The following ZNF253 variants were observed in gnomAD, a reference collection of about 807,000 sequenced individuals.
ZNF253 encodes DNA-binding protein.
In ZNF253, 8 loss-of-function variants were observed where a neutral mutation model predicts 11.9. The observed-to-expected ratio is 0.67, with a 90% CI of 0.40 to 1.22. The LOEUF is 1.22. Among genes scored for constraint, ZNF253 ranks in the 50% most tolerant of loss-of-function variants. The pLI, the probability that ZNF253 is intolerant of heterozygous loss-of-function variation, is 0.01. For synonymous variants in ZNF253, 194 were observed against 194.9 expected (o/e 1.00, Z 0.04); for missense variants, 485 against 586.9 (o/e 0.83, Z 1.79).
At chr19:19,888,024 T>C (rs2063213419) in intron 3 of ZNF253, among the ~76,000 whole-genome samples, 1 of 152,106 alleles carries the variant, frequency 6.6e-6, no homozygotes, top group Non-Finnish European at 1.5e-5. Flanking sequence ...TATATTTAAA[T>C]AGTTTTCCGA....
At chr19:19,885,504 C>T (rs753812503) in intron 3 of ZNF253, among the ~76,000 whole-genome samples, 2 of 151,772 alleles carry the variant, frequency 1.3e-5, no homozygotes, top group Non-Finnish European at 2.9e-5. Context: ...CATTCTCCTG[C>T]CTCAGCCTCC....
At position 19,892,067 on chromosome 19, in the gene ZNF253, C is replaced by T; in HGVS notation, c.820C>T (p.His274Tyr). 6.2e-7 allele frequency: 1 copy of T among 1,613,858 alleles called. No homozygotes were observed. Among genetic ancestry groups the T allele is most frequent in the Non-Finnish European group, 8.5e-7 (1 of 1,179,958 alleles). ...CAACCGATCCACAGACCTTACTACA[C>T]ATAAGATAGTTCATACTGGAGAGAA... ...AFNRSTDLTT[H>Y]KIVHTGEKPY... The change falls in exon 4 of 4, where the codon CAT (histidine) becomes TAT (tyrosine). Residue 274 changes from histidine (H) to tyrosine (Y), a missense_variant. Physicochemically the swap from His to Tyr is moderately conservative, Grantham distance 83. Around this residue, in one of 3 missense-constraint regions of ZNF253, gnomAD observed 232 missense variants for 321.4 expected, o/e 0.72. Coordinates refer to ENST00000589717, the MANE Select transcript of ZNF253 (RefSeq NM_021047.3).
At position 19,880,109 on chromosome 19, in the gene ZNF253, A is replaced by C. The variant is rs1460066757; in HGVS notation, c.189A>C (p.Leu63Phe). 10 of 1,609,556 alleles carry C rather than the reference A, an allele frequency of 6.2e-6. No individual in the cohort carries two copies. The South Asian group carries it at 8.8e-5, about 14-fold the overall frequency. Residue 63 changes from leucine to phenylalanine, a missense_variant, in exon 3 of 4, where the codon TTA becomes TTC. This residue lies in a region of ZNF253 where 218 missense variants were observed against 213.1 expected (regional missense o/e 1.02). Coordinates refer to ENST00000589717, the MANE Select transcript of ZNF253 (RefSeq NM_021047.3). ...VTCLEQGKKP[L>F]TMERHEMIAK... is the part of the protein sequence containing the mutation. ...GTCTGGAGCAAGGAAAAAAACCTTT[A>C]ACTATGGAAAGACATGAGATGATTG... is the stretch of plus-strand genomic sequence containing the variant.
chr19:19,892,971 C>T lies in ZNF253; in HGVS notation c.*224C>T, dbSNP rs1168876202. On this transcript the variant is annotated 3_prime_UTR_variant, in exon 4 of 4. Coordinates refer to ENST00000589717, the MANE Select transcript of ZNF253 (RefSeq NM_021047.3). ...TGTGGCAAAACCTATAAACCTATAACAAGTTCTCAATTCCTTTTTTTTTGA... is the reference window on the plus strand; with the variant it reads ...TGTGGCAAAACCTATAAACCTATAATAAGTTCTCAATTCCTTTTTTTTTGA... 7 of 492,916 alleles carry T rather than the reference C, an allele frequency of 1.4e-5. No individual in the cohort carries two copies. Among genetic ancestry groups the T allele is most frequent in the Non-Finnish European group, 2.4e-5 (7 of 287,178 alleles). 30.5% of individuals were successfully genotyped at this position (492,916 alleles called of 1,614,324 possible).
intron 3 of ZNF253, among the ~76,000 whole-genome samples, chr19:19,884,711 C>CAAG (rs2063191460): frequency 6.6e-6 from 1 of 152,052 alleles, no homozygotes; most frequent in South Asian, 2.1e-4. Context: ...AAATAAGGAA[C>CAAG]ATTTCTAACA....
At chr19:19,876,696 TC>T (rs767310405) in intron 1 of ZNF253, among the ~76,000 whole-genome samples, 42 of 152,270 alleles carry the variant, frequency 2.8e-4, no homozygotes, top group Admixed American at 9.2e-4. Flanking sequence ...GAGAAGGAAT[TC>T]CAGAGAAGCA....
rs549282321 is a variant in ZNF253, at chr19:19,885,642, C to T, written c.226+5496C>T. Among the ~76,000 whole-genome samples, 110 of 152,186 alleles carry T rather than the reference C, an allele frequency of 7.2e-4. 2 individuals carry two copies. In the South Asian group the frequency reaches 0.016, roughly 23 times the overall value. On this transcript the variant is annotated intron_variant, in intron 3 of 3. Coordinates refer to ENST00000589717, the MANE Select transcript of ZNF253 (RefSeq NM_021047.3). ...TCCTGACCTCATGATCCGTCCGCCT[C>T]GGCCTCCCAAAGTGCTGGGATTACA... is the stretch of plus-strand genomic sequence containing the variant.
upstream of ZNF253, chr19:19,865,840 G>A: frequency 1.0e-6 from 1 of 970,804 alleles, no homozygotes. Context: ...GAACCACATG[G>A]TTTCTGGGGG....
At position 19,893,043 on chromosome 19, in the gene ZNF253, T is replaced by C. The variant is rs1013584077; in HGVS notation, c.*296T>C. 1 of 302,480 alleles carries C rather than the reference T, an allele frequency of 3.3e-6. No homozygotes were observed. The highest frequency in any genetic ancestry group is 2.2e-5 in the African/African-American group (1 of 45,592). The allele number at this position is 302,480 out of a possible 1,614,324, so 18.7% of individuals were successfully genotyped here. ...CCGAGGCTGGAGTGCAATGACATGA[T>C]CTCCGTTCACTGCAATCTCTGCCTC... is the stretch of plus-strand genomic sequence containing the variant. On this transcript the variant is annotated 3_prime_UTR_variant, in exon 4 of 4. Coordinates refer to ENST00000589717, the MANE Select transcript of ZNF253 (RefSeq NM_021047.3).
At chr19:19,875,154 G>A (rs2063149969) in intron 1 of ZNF253, among the ~76,000 whole-genome samples, 1 of 152,088 alleles carries the variant, frequency 6.6e-6, no homozygotes, top group African/African-American at 2.4e-5. Context: ...GGTGAATCCT[G>A]CTGCCTTTCT....
intron 2 of ZNF253, 123 bp downstream of exon 2, chr19:19,878,730 C>G (rs541517846): frequency 4.0e-6 from 4 of 1,012,394 alleles, no homozygotes; most frequent in Non-Finnish European, 5.5e-6. Flanking sequence ...TAAGCCACTG[C>G]GCCTGGCCAT....
At chr19:19,882,639 C>A (rs1161487607) in intron 3 of ZNF253, among the ~76,000 whole-genome samples, 3 of 152,074 alleles carry the variant, frequency 2.0e-5, no homozygotes, top group South Asian at 4.2e-4. Context: ...AGACAATTTG[C>A]AATTCTGTTT....
rs2063182397 is a variant in ZNF253 at position 19,882,616 on chromosome 19, G to T, written c.226+2470G>T. Among the ~76,000 whole-genome samples, 3 of 152,078 alleles carry T rather than the reference G, an allele frequency of 2.0e-5. No individual in the cohort carries two copies. The South Asian group carries it at 6.2e-4, about 32-fold the overall frequency. ...GTTTATTGTGTCTTGGTTTTAATTT[G>T]TATTACAATTTTAGACAATTTGCAA... On this transcript the variant is annotated intron_variant, in intron 3 of 3. Coordinates refer to ENST00000589717, the MANE Select transcript of ZNF253 (RefSeq NM_021047.3).
intron 3 of ZNF253, among the ~76,000 whole-genome samples, chr19:19,884,205 C>T (rs1348976860): frequency 6.6e-6 from 1 of 151,892 alleles, no homozygotes; most frequent in Admixed American, 6.6e-5. Flanking sequence ...AATAATATTC[C>T]ATCATATGTA....
At chr19:19,882,112 CA>C (rs2063180384) in intron 3 of ZNF253, among the ~76,000 whole-genome samples, 1 of 151,616 alleles carries the variant, frequency 6.6e-6, no homozygotes, top group African/African-American at 2.4e-5. Flanking sequence ...TCGCTTGAAT[CA>C]GGGAGGCGGA....
chr19:19,878,649 G>T (rs1568496381), intron 2 of ZNF253, 42 bp downstream of exon 2: 2 of 1,557,670 alleles, frequency 1.3e-6, no homozygotes, highest in East Asian at 4.6e-5. Context: ...ATACCCTGAA[G>T]ATTTTATTTC....
intron 1 of ZNF253, among the ~76,000 whole-genome samples, chr19:19,871,755 G>C (rs1047121571): frequency 6.6e-6 from 1 of 152,276 alleles, no homozygotes; most frequent in Non-Finnish European, 1.5e-5. Context: ...GCAGATTGAC[G>C]ATGATGCATA....
intron 1 of ZNF253, among the ~76,000 whole-genome samples, chr19:19,873,765 A>G (rs904889563): frequency 2.0e-5 from 3 of 152,180 alleles, no homozygotes; most frequent in African/African-American, 4.8e-5. Flanking sequence ...CTACTGGATA[A>G]ATAATTGAAT....
At chr19:19,884,057 C>CAA (rs751875742) in intron 3 of ZNF253, among the ~76,000 whole-genome samples, 7 of 66,492 alleles carry the variant, frequency 1.1e-4, no homozygotes, top group Non-Finnish European at 1.0e-4. Context: ...AACTCCATCT[C>CAA]AAAAAAAAAA....
Sources: allele counts gnomAD v4.1 joint callset (sites outside exome capture counted in the v4.1 genomes callset), GRCh38; gene constraint gnomAD v4.1.1; regional missense constraint gnomAD v4.1.1; transcripts MANE v1.5; gene names NCBI Gene and HGNC (gene_info 2026-07-23, HGNC 2026-07-21).